Variants in SORCS3 observed in about 807,000 individuals in gnomAD.
SORCS3 encodes VPS10 domain-containing receptor SorCS3.
Under a neutral mutation model 146.3 loss-of-function variants are expected in SORCS3, and 57 were observed. That is an observed-to-expected ratio of 0.39 (90% CI 0.31 to 0.49). The LOEUF (loss-of-function observed/expected upper bound fraction) is 0.49. Ranked by LOEUF, SORCS3 falls within the 20% of genes least tolerant of loss-of-function variation. The pLI is 0.92. For missense variants in SORCS3, 1,341 were observed against 1,575.5 expected, an observed-to-expected ratio of 0.85 and a Z score of 2.52; for synonymous variants, 653 against 618.5, an observed-to-expected ratio of 1.06 and a Z score of -0.83.
intron 5 of SORCS3, among the ~76,000 whole-genome samples, chr10:105,077,919 G>GC (rs2055599247): frequency 6.6e-6 from 1 of 152,184 alleles, no homozygotes; most frequent in Non-Finnish European, 1.5e-5. Context: ...GACAGAGGCA[G>GC]GGGGAATATC....
chr10:105,058,597 C>G (rs73342211), intron 5 of SORCS3, among the ~76,000 whole-genome samples: 8,963 of 152,236 alleles, frequency 0.059, 282 homozygotes, highest in Middle Eastern at 0.088. Flanking sequence ...GAAGAAAACA[C>G]TTCATGGACT....
chr10:105,130,659 AT>A (rs2056012211), intron 7 of SORCS3, among the ~76,000 whole-genome samples: 1 of 152,100 alleles, frequency 6.6e-6, no homozygotes, highest in South Asian at 2.1e-4. Flanking sequence ...TGGTGAAACT[AT>A]TTGGGGGCTA....
intron 4 of SORCS3, among the ~76,000 whole-genome samples, chr10:105,004,491 T>C (rs2055082195): frequency 6.6e-6 from 1 of 152,062 alleles, no homozygotes. Flanking sequence ...ACAGCTGAAG[T>C]CAAAGGGATT....
chr10:104,811,171 G>T (rs2017736523), intron 1 of SORCS3, among the ~76,000 whole-genome samples: 1 of 152,182 alleles, frequency 6.6e-6, no homozygotes, highest in South Asian at 2.1e-4. Flanking sequence ...GCCAGGAACT[G>T]GACCAGATAT....
At chr10:104,673,265 G>T (rs1483442225) in intron 1 of SORCS3, among the ~76,000 whole-genome samples, 1 of 152,062 alleles carries the variant, frequency 6.6e-6, no homozygotes, top group Non-Finnish European at 1.5e-5. Context: ...GTTAATTACT[G>T]ATAAGGAGGT....
intron 1 of SORCS3, among the ~76,000 whole-genome samples, chr10:104,646,420 C>G (rs2015496177): frequency 6.6e-6 from 1 of 152,146 alleles, no homozygotes; most frequent in Non-Finnish European, 1.5e-5. Flanking sequence ...GCTCAGTGGA[C>G]AGAAGGGAAA....
At chr10:105,165,230 T>G (rs1168129229) in intron 12 of SORCS3, among the ~76,000 whole-genome samples, 1 of 152,132 alleles carries the variant, frequency 6.6e-6, no homozygotes, top group East Asian at 1.9e-4. Context: ...CGTAGCTAGA[T>G]AACTATAATT....
chr10:104,910,784 G>A (rs2018958801), intron 2 of SORCS3, among the ~76,000 whole-genome samples: 1 of 152,266 alleles, frequency 6.6e-6, no homozygotes, highest in Non-Finnish European at 1.5e-5. Context: ...TGACAGTGGA[G>A]TGGGGTTGGG....
At chr10:105,228,943 T>G (rs2056751279) in intron 20 of SORCS3, among the ~76,000 whole-genome samples, 1 of 152,236 alleles carries the variant, frequency 6.6e-6, no homozygotes, top group Admixed American at 6.5e-5. Flanking sequence ...ATTGATTTTG[T>G]AATTATTTCA....
chr10:104,710,158 A>G (rs2016394602), intron 1 of SORCS3, among the ~76,000 whole-genome samples: 1 of 152,204 alleles, frequency 6.6e-6, no homozygotes, highest in South Asian at 2.1e-4. Flanking sequence ...TTACAGATCA[A>G]AGACAGCCAA....
chr10:104,655,043 G>A (rs7082769), intron 1 of SORCS3, among the ~76,000 whole-genome samples: 8 of 152,090 alleles, frequency 5.3e-5, no homozygotes, highest in African/African-American at 1.9e-4. Flanking sequence ...ACCTGAGGTC[G>A]GGAGTTTGAG....
chr10:105,234,079 T>G (rs1044317837), intron 20 of SORCS3, among the ~76,000 whole-genome samples: 26 of 152,298 alleles, frequency 1.7e-4, no homozygotes, highest in African/African-American at 3.6e-4. Context: ...ACAAGTTTCT[T>G]AAGTTTTTCT....
chr10:104,949,127 A>G (rs372498842), intron 3 of SORCS3, among the ~76,000 whole-genome samples: 7 of 152,190 alleles, frequency 4.6e-5, no homozygotes, highest in Non-Finnish European at 7.3e-5. Context: ...AAAAAAATCA[A>G]TAGGTCCCAT....
chr10:104,658,855 T>C (rs1175529308), intron 1 of SORCS3, among the ~76,000 whole-genome samples: 1 of 152,034 alleles, frequency 6.6e-6, no homozygotes, highest in Non-Finnish European at 1.5e-5. Context: ...TGTTTTTTGT[T>C]TTTTGCTTTT....
At chr10:105,059,865 A>G (rs1372076507) in intron 5 of SORCS3, among the ~76,000 whole-genome samples, 2 of 152,224 alleles carry the variant, frequency 1.3e-5, no homozygotes, top group Non-Finnish European at 2.9e-5. Flanking sequence ...GATTCATAGC[A>G]TGAAGCAGAG....
At chr10:104,800,111 A>T (rs2017607465) in intron 1 of SORCS3, among the ~76,000 whole-genome samples, 1 of 152,206 alleles carries the variant, frequency 6.6e-6, no homozygotes, top group Admixed American at 6.5e-5. Flanking sequence ...GTGAATGGAT[A>T]AACTGTGATA....
intron 14 of SORCS3, among the ~76,000 whole-genome samples, chr10:105,199,198 C>T (rs772699903): frequency 5.3e-5 from 8 of 151,882 alleles, no homozygotes; most frequent in Non-Finnish European, 8.8e-5. Flanking sequence ...TTGCAAGACA[C>T]GCCACCCGAG....
intron 1 of SORCS3, among the ~76,000 whole-genome samples, chr10:104,662,958 A>C (rs2015721164): frequency 6.6e-6 from 1 of 152,164 alleles, no homozygotes; most frequent in Admixed American, 6.5e-5. Flanking sequence ...TCCCTACTTC[A>C]TGGGAGGAAA....
Position 105,223,258 on chromosome 10 carries a change from C to A in SORCS3, c.2868+9C>A. 1.2e-6 allele frequency: 2 copies of A among 1,602,110 alleles called. No homozygotes were observed. The highest frequency in any genetic ancestry group is 1.7e-6 in the Non-Finnish European group (2 of 1,172,430). On this transcript the variant is annotated intron_variant, in intron 20 of 26. Transcript: ENST00000369701. ...TCGGCAATAGCACAAAGGTTTGGCC[C>A]TTTCTGATTGATGTCAAATTAGATC...
Sources: gnomAD v4.1 joint callset for allele counts (sites outside exome capture counted in the v4.1 genomes callset) on GRCh38, gnomAD v4.1.1 for gene constraint, MANE v1.5 for transcripts, NCBI Gene and HGNC (gene_info 2026-07-23, HGNC 2026-07-21) for gene names.